The following MACROD2 variants were observed in gnomAD, a reference collection of about 807,000 sequenced individuals.
MACROD2 encodes the protein ADP-ribose glycohydrolase MACROD2.
In MACROD2, 36 loss-of-function variants were observed where a neutral mutation model predicts 70.4. The ratio of observed to expected loss-of-function variants is 0.51; its 90% CI spans 0.39 to 0.68. MACROD2 has a LOEUF of 0.68. MACROD2 is among the 30% of genes least tolerant of loss of function. The probability of loss-of-function intolerance (pLI) is 0.00; values close to 1 mark genes in which losing one functional copy is unlikely to be tolerated. For missense variants in MACROD2, 496 were observed against 538.4 expected (o/e 0.92, Z 0.78); for synonymous variants, 172 against 178.8 (o/e 0.96, Z 0.30).
At chr20:14,495,749 A>T (rs948452995) in intron 4 of MACROD2, among the ~76,000 whole-genome samples, 8 of 152,168 alleles carry the variant, frequency 5.3e-5, no homozygotes, top group South Asian at 2.1e-4. Context: ...TAAGACATTC[A>T]GGAATAGGCC....
At chr20:15,967,783 G>T (rs991243987) in intron 13 of MACROD2, among the ~76,000 whole-genome samples, 153 bp downstream of exon 13, 1 of 151,338 alleles carries the variant, frequency 6.6e-6, no homozygotes, top group African/African-American at 2.4e-5. Context: ...ATCAGTAGCT[G>T]CCATCTTTAG....
chr20:14,372,520 G>A (rs2122750734), intron 3 of MACROD2, among the ~76,000 whole-genome samples: 1 of 151,868 alleles, frequency 6.6e-6, no homozygotes, highest in Admixed American at 6.6e-5. Flanking sequence ...CCAAAAAACA[G>A]GTATATTTAA....
At chr20:14,742,126 C>A (rs185187018) in intron 5 of MACROD2, among the ~76,000 whole-genome samples, 13 of 152,160 alleles carry the variant, frequency 8.5e-5, no homozygotes, top group African/African-American at 3.1e-4. Context: ...GATTTAAGTC[C>A]TTTTATAAAA....
intron 5 of MACROD2, among the ~76,000 whole-genome samples, chr20:15,032,300 G>T (rs979975948): frequency 1.5e-4 from 23 of 152,328 alleles, no homozygotes; most frequent in African/African-American, 5.3e-4. Flanking sequence ...ACTTGGTAGG[G>T]AGTGGGCCTC....
At chr20:14,148,160 A>G (rs1416987593) in intron 3 of MACROD2, among the ~76,000 whole-genome samples, 2 of 152,216 alleles carry the variant, frequency 1.3e-5, no homozygotes. Context: ...TCTGAATTTC[A>G]GTACTACCAC....
At position 16,004,658 on chromosome 20, in the gene MACROD2, C is replaced by T. The variant is rs562143989; in HGVS notation, c.1153+17500C>T. 2.0e-5 allele frequency among the ~76,000 whole-genome samples: 3 copies of T among 152,372 alleles called. No homozygotes were observed. In the South Asian group the frequency reaches 6.2e-4, roughly 32 times the overall value. ...TCGGCTGTTTGCTCCGGCTCTGCGG[C>T]CCCTGTCAGCAGCCAACTCCCACAC... On this transcript the variant is annotated intron_variant, in intron 15 of 17. Coordinates refer to ENST00000684519, the MANE Select transcript of MACROD2 (RefSeq NM_001351661.2).
intron 8 of MACROD2, among the ~76,000 whole-genome samples, chr20:15,813,967 G>A (rs1286594096): frequency 6.6e-6 from 1 of 152,110 alleles, no homozygotes; most frequent in African/African-American, 2.4e-5. Flanking sequence ...GAAATATATT[G>A]TAAAGTAATA....
At chr20:14,017,993 G>C (rs554784642) in intron 2 of MACROD2, among the ~76,000 whole-genome samples, 2 of 152,170 alleles carry the variant, frequency 1.3e-5, no homozygotes, top group Admixed American at 6.5e-5. Flanking sequence ...GTCTATTGAA[G>C]TTTTCTATTT....
intron 5 of MACROD2, among the ~76,000 whole-genome samples, chr20:15,058,889 G>A (rs1401585966): frequency 6.6e-6 from 1 of 152,156 alleles, no homozygotes. Flanking sequence ...AAGAAGCTAT[G>A]GTTGGAAGGA....
At chr20:14,967,819 G>T (rs751734389) in intron 5 of MACROD2, among the ~76,000 whole-genome samples, 21 of 151,906 alleles carry the variant, frequency 1.4e-4, no homozygotes, top group Non-Finnish European at 2.5e-4. Flanking sequence ...ATGACTCAGG[G>T]TCCTCATTTT....
chr20:15,880,014 C>T (rs2064732271), intron 9 of MACROD2, among the ~76,000 whole-genome samples: 1 of 152,120 alleles, frequency 6.6e-6, no homozygotes. Context: ...AGGGGTCAGC[C>T]TTTGTGTTCT....
chr20:14,164,123 A>G (rs1451923174), intron 3 of MACROD2, among the ~76,000 whole-genome samples: 2 of 149,992 alleles, frequency 1.3e-5, no homozygotes, highest in Non-Finnish European at 3.0e-5. Context: ...TTTTTTGAAG[A>G]TGTATCATGG....
At chr20:15,021,296 A>G (rs1333738061) in intron 5 of MACROD2, among the ~76,000 whole-genome samples, 6 of 137,962 alleles carry the variant, frequency 4.3e-5, no homozygotes, top group South Asian at 4.7e-4. Context: ...GTGTGTGTGT[A>G]TATGCACATA....
chr20:15,790,227 GA>G (rs1366985184), intron 8 of MACROD2, among the ~76,000 whole-genome samples: 2 of 151,834 alleles, frequency 1.3e-5, no homozygotes, highest in Non-Finnish European at 3.0e-5. Flanking sequence ...GTGGTATATT[GA>G]AATAATTGTG....
chr20:14,363,816 CAAAAAAAAAAAAAAAAAAA>C (rs569929488), intron 3 of MACROD2, among the ~76,000 whole-genome samples: 1 of 71,560 alleles, frequency 1.4e-5, no homozygotes, highest in Admixed American at 2.1e-4. Flanking sequence ...GACTCTGTCT[CAAAAAAAAAAAAAAAAAAA>C]AAAAAAAAAA....
At chr20:15,614,725 G>A (rs961193296) in intron 8 of MACROD2, among the ~76,000 whole-genome samples, 7 of 152,130 alleles carry the variant, frequency 4.6e-5, no homozygotes, top group Non-Finnish European at 8.8e-5. Flanking sequence ...TGCAAAGCTC[G>A]AGGAGATTGA....
At chr20:14,255,332 T>C (rs35365218) in intron 3 of MACROD2, among the ~76,000 whole-genome samples, 54,873 of 151,830 alleles carry the variant, frequency 0.36, 11,368 homozygotes, top group African/African-American at 0.54. Context: ...GGCACATATA[T>C]ACCATGGAAT....
intron 3 of MACROD2, among the ~76,000 whole-genome samples, chr20:14,321,908 A>G (rs1447607377): frequency 3.9e-5 from 6 of 151,976 alleles, no homozygotes; most frequent in Non-Finnish European, 7.4e-5. Context: ...GCATCTAAAA[A>G]CAATTTTTGA....
Position 14,946,067 on chromosome 20 carries a change from C to T in MACROD2, c.418+261108C>T, listed in dbSNP as rs542402031. 3.9e-5 allele frequency among the ~76,000 whole-genome samples: 6 copies of T among 152,172 alleles called. No homozygotes were observed. The South Asian group carries it at 8.3e-4, about 21-fold the overall frequency. On this transcript the variant is annotated intron_variant, in intron 5 of 17. Coordinates refer to ENST00000684519, the MANE Select transcript of MACROD2 (RefSeq NM_001351661.2). ...TACTAAAATTAGCCGGGCATATTGG[C>T]GAGTGCCTGTAATCCCAGCTACTGG...
Sources: gnomAD v4.1 joint callset for allele counts (sites outside exome capture counted in the v4.1 genomes callset) on GRCh38, gnomAD v4.1.1 for gene constraint, MANE v1.5 for transcripts, NCBI Gene and HGNC (gene_info 2026-07-23, HGNC 2026-07-21) for gene names.